RIMS1: variants seen among roughly 807,000 people sequenced by gnomAD.
The protein encoded by RIMS1 is regulating synaptic membrane exocytosis 1, also known as regulating synaptic membrane exocytosis protein 1.
A neutral mutation model predicts 214.1 loss-of-function variants in RIMS1; 83 were observed. That is an observed-to-expected ratio of 0.39 (90% CI 0.32 to 0.47). The LOEUF (loss-of-function observed/expected upper bound fraction) is 0.47. Among genes scored for constraint, RIMS1 ranks in the 20% least tolerant of loss-of-function variants. The probability of loss-of-function intolerance (pLI) is 0.99; values close to 1 mark genes in which losing one functional copy is unlikely to be tolerated. For synonymous variants in RIMS1, 793 were observed against 786.8 expected, an observed-to-expected ratio of 1.01 and a Z score of -0.13; for missense variants, 2,050 against 2,161.8, an observed-to-expected ratio of 0.95 and a Z score of 1.03.
At position 72,371,831 on chromosome 6, in the gene RIMS1, A is replaced by G. The variant is rs548572255; in HGVS notation, c.4367-18767A>G. The stretch of plus-strand genomic sequence containing the variant: ...GCTAGAAGCCCTGAATGTGAGTTCT[A>G]ATTCTGCCATTTACTGGCGATGATC... On this transcript the variant is annotated intron_variant, in intron 29 of 33. Transcript: ENST00000521978. Among the ~76,000 whole-genome samples the G allele has an allele frequency of 7.9e-5, 12 of 152,304 alleles. No homozygotes were observed. In the East Asian group the frequency reaches 2.3e-3, roughly 29 times the overall value.
intron 12 of RIMS1, 46 bp downstream of exon 12, chr6:72,248,173 ACTGT>A (rs750436376): frequency 1.7e-6 from 2 of 1,178,084 alleles, no homozygotes; most frequent in Admixed American, 1.8e-5. Context: ...ATTTGCATAC[ACTGT>A]CTGAGTCTGT....
At chr6:71,952,171 A>G (rs1190579270) in intron 1 of RIMS1, among the ~76,000 whole-genome samples, 1 of 152,148 alleles carries the variant, frequency 6.6e-6, no homozygotes, top group African/African-American at 2.4e-5. Context: ...GAACCCTAGG[A>G]AAAGCCTTGT....
chr6:71,918,686 G>T (rs1779130080), intron 1 of RIMS1, among the ~76,000 whole-genome samples: 1 of 152,100 alleles, frequency 6.6e-6, no homozygotes, highest in Admixed American at 6.6e-5. Flanking sequence ...ATGGTGTACA[G>T]AAGAAAGGGC....
At chr6:71,961,728 GGTTTTGTTTTGTTTT>G (rs72219026) in intron 1 of RIMS1, among the ~76,000 whole-genome samples, 5 of 151,022 alleles carry the variant, frequency 3.3e-5, no homozygotes, top group African/African-American at 9.7e-5. Flanking sequence ...TCAGTGGATA[GGTTTTGTTTTGTTTT>G]GTTTTGTTTT....
At chr6:72,371,413 A>T (rs1203225655) in intron 29 of RIMS1, among the ~76,000 whole-genome samples, 1 of 152,218 alleles carries the variant, frequency 6.6e-6, no homozygotes, top group East Asian at 1.9e-4. Flanking sequence ...GCAAACTGTC[A>T]TCCTGTTTTT....
intron 4 of RIMS1, among the ~76,000 whole-genome samples, chr6:72,154,151 T>TTAGGGACCCACTTGAGGATGC (rs1278548541): frequency 5.2e-5 from 5 of 95,808 alleles, no homozygotes; most frequent in Non-Finnish European, 8.3e-5. Flanking sequence ...GTATATGAAA[T>TTAGGGACCCACTTGAGGATGC]AGCTACAAAT....
chr6:72,292,068 T>C (rs370113904), intron 26 of RIMS1, 22 bp downstream of exon 26: 166 of 1,499,098 alleles, frequency 1.1e-4, no homozygotes, highest in Admixed American at 5.4e-4. Context: ...AGAGAGATCA[T>C]TGTCCAAAAA....
chr6:72,342,516 G>C (rs1002616987), intron 29 of RIMS1, among the ~76,000 whole-genome samples: 1 of 151,720 alleles, frequency 6.6e-6, no homozygotes, highest in Non-Finnish European at 1.5e-5. Context: ...TTAGCATTAG[G>C]AAGGAAAGAG....
chr6:72,269,445 C>G (rs1474285164), intron 22 of RIMS1, among the ~76,000 whole-genome samples: 2 of 152,108 alleles, frequency 1.3e-5, no homozygotes, highest in Non-Finnish European at 2.9e-5. Context: ...AAAAGGTTCC[C>G]ACTCCAATAC....
At chr6:72,153,291 T>C (rs2043987353) in intron 4 of RIMS1, among the ~76,000 whole-genome samples, 1 of 151,722 alleles carries the variant, frequency 6.6e-6, no homozygotes. Flanking sequence ...TTTTTTCATC[T>C]TCAAATTCTA....
chr6:72,211,767 T>C (rs532642012), intron 6 of RIMS1, among the ~76,000 whole-genome samples: 12 of 152,296 alleles, frequency 7.9e-5, no homozygotes, highest in Non-Finnish European at 2.9e-5. Flanking sequence ...TATTTCAACA[T>C]TAAAAATATT....
At chr6:72,386,816 C>T (rs2098612759) in intron 29 of RIMS1, among the ~76,000 whole-genome samples, 1 of 148,458 alleles carries the variant, frequency 6.7e-6, no homozygotes, top group Non-Finnish European at 1.5e-5. Flanking sequence ...TCACTGCAAG[C>T]TCCGCCTTCC....
intron 29 of RIMS1, among the ~76,000 whole-genome samples, chr6:72,380,682 C>T (rs999046322): frequency 1.3e-5 from 2 of 152,116 alleles, no homozygotes; most frequent in African/African-American, 2.4e-5. Context: ...TCAGTATACT[C>T]GTGTAATACT....
Position 72,179,645 on chromosome 6 carries a change from G to A in RIMS1, c.542G>A (p.Gly181Glu), listed in dbSNP as rs1262321010. ...ILTKSGAWFF[G>E]SGPQQTSQDG... ...ACCAAATCTGGGGCATGGTTCTTTG[G>A]AAGTGGCCCTCAGCAGACAAGTCAG... The change falls in exon 5 of 34, where the codon GGA (glycine) becomes GAA (glutamate). Residue 181 changes from glycine to glutamate, a missense_variant. Coordinates refer to ENST00000521978, the MANE Select transcript of RIMS1 (RefSeq NM_014989.7). 7 of 1,613,832 alleles carry A rather than the reference G, an allele frequency of 4.3e-6. No homozygotes were observed. The highest frequency in any genetic ancestry group is 2.2e-5 in the East Asian group (1 of 44,900).
intron 4 of RIMS1, among the ~76,000 whole-genome samples, chr6:72,117,151 G>A (rs190176064): frequency 1.3e-5 from 2 of 151,996 alleles, no homozygotes; most frequent in African/African-American, 2.4e-5. Context: ...ATTTGTTGGT[G>A]TCACTCCCAG....
At chr6:72,088,564 A>G (rs1490373248) in intron 2 of RIMS1, among the ~76,000 whole-genome samples, 1 of 151,976 alleles carries the variant, frequency 6.6e-6, no homozygotes, top group African/African-American at 2.4e-5. Flanking sequence ...GGTCACTTGA[A>G]ATTTCATGTT....
intron 5 of RIMS1, among the ~76,000 whole-genome samples, chr6:72,181,078 T>C (rs1268757982): frequency 6.6e-6 from 1 of 151,516 alleles, no homozygotes; most frequent in Non-Finnish European, 1.5e-5. Flanking sequence ...AGAACATACA[T>C]GGTCCCTTTT....
chr6:72,272,502 G>A (rs187384203), intron 22 of RIMS1, among the ~76,000 whole-genome samples: 25 of 152,238 alleles, frequency 1.6e-4, no homozygotes, highest in African/African-American at 5.1e-4. Flanking sequence ...ACAAATATAC[G>A]TGTATTAAAC....
At chr6:72,114,297 G>A (rs977934422) in intron 4 of RIMS1, among the ~76,000 whole-genome samples, 2 of 151,726 alleles carry the variant, frequency 1.3e-5, no homozygotes, top group Admixed American at 6.6e-5. Context: ...AATTGTATTC[G>A]CACTGGAGTC....
Sources: allele counts gnomAD v4.1 joint callset (sites outside exome capture counted in the v4.1 genomes callset), GRCh38; gene constraint gnomAD v4.1.1; transcripts MANE v1.5; gene names NCBI Gene and HGNC (gene_info 2026-07-23, HGNC 2026-07-21).